Variants in THRB observed in about 807,000 individuals in gnomAD.
THRB encodes nuclear receptor subfamily 1 group A member 2.
THRB carries 12 observed loss-of-function variants against 47.8 expected under a neutral mutation model. The observed-to-expected ratio is 0.25, with a 90% confidence interval of 0.16 to 0.41. The LOEUF is 0.41. THRB is among the 10% of genes least tolerant of loss of function. The probability of loss-of-function intolerance (pLI) is 1.00; values close to 1 mark genes in which losing one functional copy is unlikely to be tolerated. For missense variants in THRB, 348 were observed against 589.2 expected (o/e 0.59, Z 4.24); for synonymous variants, 218 against 212.2 (o/e 1.03, Z -0.24).
chr3:24,152,960 CAAAA>C (rs746418494), intron 5 of THRB, among the ~76,000 whole-genome samples: 5 of 86,928 alleles, frequency 5.8e-5, no homozygotes, highest in South Asian at 3.6e-4. Flanking sequence ...GAAATTCTGC[CAAAA>C]AAAAAAAAAG....
At chr3:24,286,153 G>C (rs1005521832) in intron 3 of THRB, among the ~76,000 whole-genome samples, 4 of 152,134 alleles carry the variant, frequency 2.6e-5, no homozygotes, top group African/African-American at 7.2e-5. Flanking sequence ...CTTGACCTTG[G>C]ACACCCAAGC....
At chr3:24,207,196 A>G (rs559201278) in intron 4 of THRB, among the ~76,000 whole-genome samples, 11 of 152,208 alleles carry the variant, frequency 7.2e-5, no homozygotes, top group Non-Finnish European at 1.5e-4. Flanking sequence ...CAACAAAAAA[A>G]GAGAATTTTA....
In THRB at chr3:24,227,554, C is replaced by G. The variant is rs2150072812; in HGVS notation, c.22+1384G>C. Among the ~76,000 whole-genome samples, 3 of 152,170 alleles carry G rather than the reference C, an allele frequency of 2.0e-5. No individual in the cohort carries two copies. The Middle Eastern group carries it at 0.01, about 518-fold the overall frequency. On this transcript the variant is annotated intron_variant, in intron 4 of 10. Coordinates refer to ENST00000646209, the MANE Select transcript of THRB (RefSeq NM_001354712.2). ...AATCATTGTGATTTGCCCAGGCACC[C>G]CATCTTTTTGCTATATCAGGAGCTC...
chr3:24,254,577 G>A (rs573678801), intron 3 of THRB, among the ~76,000 whole-genome samples: 217 of 152,278 alleles, frequency 1.4e-3, no homozygotes, highest in African/African-American at 5.0e-3. Flanking sequence ...GCACTTAAAT[G>A]TGTAGGAGTC....
chr3:24,208,367 C>T (rs867782611), intron 4 of THRB, among the ~76,000 whole-genome samples: 59 of 152,214 alleles, frequency 3.9e-4, no homozygotes, highest in Admixed American at 1.2e-3. Flanking sequence ...TCATATGGAA[C>T]GAAAAAAGAG....
At chr3:24,404,776 G>A (rs2150116682) in intron 1 of THRB, among the ~76,000 whole-genome samples, 1 of 151,850 alleles carries the variant, frequency 6.6e-6, no homozygotes, top group Non-Finnish European at 1.5e-5. Flanking sequence ...AATTTCTTTG[G>A]AGTTCTCAAC....
chr3:24,189,992 G>GGGACACCA (rs1375824028), intron 5 of THRB, 82 bp downstream of exon 5: 24 of 1,361,094 alleles, frequency 1.8e-5, no homozygotes, highest in Non-Finnish European at 2.5e-5. Context: ...GAAGAGAAAT[G>GGGACACCA]TAGATGAAGT....
At chr3:24,435,341 G>A (rs143231742) in intron 1 of THRB, among the ~76,000 whole-genome samples, 4 of 152,298 alleles carry the variant, frequency 2.6e-5, no homozygotes, top group South Asian at 2.1e-4. Flanking sequence ...CAGGAAATGC[G>A]TAGGCAGAGG....
intron 3 of THRB, among the ~76,000 whole-genome samples, chr3:24,236,581 A>G (rs1439482965): frequency 6.6e-6 from 1 of 152,166 alleles, no homozygotes; most frequent in East Asian, 1.9e-4. Context: ...TAAAGACTCA[A>G]GAACAATACA....
Position 24,297,505 on chromosome 3 carries a change from G to C in THRB, c.-188-134C>G, listed in dbSNP as rs977570199. On this transcript the variant is annotated intron_variant, in intron 2 of 10. Transcript: ENST00000646209. ...AGGCTAAAAAGATGGTGATGACCCA[G>C]ACGAGTTATGAAGGCCCTATAAACA... 4 of 152,238 alleles carry C rather than the reference G, an allele frequency of 2.6e-5. No individual in the cohort carries two copies. In the East Asian group the frequency reaches 7.7e-4, roughly 29 times the overall value. The allele number at this position is 152,238 out of a possible 1,614,324, so 9.4% of individuals were successfully genotyped here. A position where few individuals can be genotyped will look rare whatever the true frequency, so the allele number is the denominator to read the frequency against.
At chr3:24,283,934 T>C (rs1489560848) in intron 3 of THRB, among the ~76,000 whole-genome samples, 1 of 137,646 alleles carries the variant, frequency 7.3e-6, no homozygotes, top group South Asian at 2.6e-4. Context: ...TAAAAGAGGA[T>C]ACAAACAAAT....
At chr3:24,141,015 T>G (rs1307940669) in intron 8 of THRB, among the ~76,000 whole-genome samples, 1 of 152,246 alleles carries the variant, frequency 6.6e-6, no homozygotes, top group African/African-American at 2.4e-5. Flanking sequence ...GTCCTGATCC[T>G]TCCCAATAAC....
intron 3 of THRB, among the ~76,000 whole-genome samples, chr3:24,283,309 A>C (rs1391974381): frequency 6.6e-5 from 10 of 152,236 alleles, no homozygotes; most frequent in African/African-American, 2.4e-5. Context: ...AATCCAGCAT[A>C]TAAACAGAAC....
chr3:24,231,063 G>C (rs7632903), intron 3 of THRB, among the ~76,000 whole-genome samples: 1 of 151,964 alleles, frequency 6.6e-6, no homozygotes, highest in African/African-American at 2.4e-5. Flanking sequence ...ATCCTCTTCT[G>C]CTCCTCCAGG....
intron 1 of THRB, among the ~76,000 whole-genome samples, chr3:24,460,070 C>T (rs990974560): frequency 2.6e-5 from 4 of 152,096 alleles, no homozygotes; most frequent in Admixed American, 2.6e-4. Flanking sequence ...TTCTTTGCTT[C>T]CACTTCCTCT....
At chr3:24,472,458 T>C (rs1694842457) in intron 1 of THRB, among the ~76,000 whole-genome samples, 1 of 152,210 alleles carries the variant, frequency 6.6e-6, no homozygotes. Context: ...CAATTCCTTT[T>C]GTCCTGGAGA....
At chr3:24,291,912 G>A (rs1313092182) in intron 3 of THRB, among the ~76,000 whole-genome samples, 3 of 151,754 alleles carry the variant, frequency 2.0e-5, no homozygotes, top group South Asian at 2.1e-4. Context: ...AAATATATAT[G>A]TATATATATA....
intron 1 of THRB, among the ~76,000 whole-genome samples, chr3:24,367,314 AAGGG>A (rs1241009648): frequency 6.6e-6 from 1 of 152,190 alleles, no homozygotes; most frequent in Non-Finnish European, 1.5e-5. Flanking sequence ...AATTTAGAGT[AAGGG>A]ATGGTAAAAA....
upstream of THRB, chr3:24,495,251 AC>A: frequency 6.6e-6 from 1 of 152,404 alleles, no homozygotes; most frequent in South Asian, 1.8e-4. Flanking sequence ...GAGCAGGCAA[AC>A]CCGGCTCCGC....
Sources: allele counts gnomAD v4.1 joint callset (sites outside exome capture counted in the v4.1 genomes callset), GRCh38; gene constraint gnomAD v4.1.1; transcripts MANE v1.5; gene names NCBI Gene and HGNC (gene_info 2026-07-23, HGNC 2026-07-21).